Variants in CCDC138 observed in about 807,000 individuals in gnomAD.
CCDC138 encodes the protein coiled-coil domain containing 138.
In CCDC138, 66 loss-of-function variants were observed where a neutral mutation model predicts 82.3. That is an observed-to-expected ratio of 0.80 (90% CI 0.66 to 0.98). The LOEUF is 0.98. Among genes scored for constraint, CCDC138 ranks in the 50% least tolerant of loss-of-function variants. The pLI is 0.00. For missense variants in CCDC138, 816 were observed against 758.9 expected, an observed-to-expected ratio of 1.08 and a Z score of -0.88; for synonymous variants, 297 against 265.4, an observed-to-expected ratio of 1.12 and a Z score of -1.16.
rs1272013437 is a variant in CCDC138, at chr2:108,805,549, C to A, written c.855+541C>A. On this transcript the variant is annotated intron_variant, in intron 7 of 14. Coordinates refer to ENST00000295124, the MANE Select transcript of CCDC138 (RefSeq NM_144978.3). ...GACCATCCTGGCTAACACAGTGAAACCCCGTCTCTACCAAAAATACAAAAA... is the reference window on the plus strand; with the variant it reads ...GACCATCCTGGCTAACACAGTGAAAACCCGTCTCTACCAAAAATACAAAAA... Among the ~76,000 whole-genome samples, 4 of 135,458 alleles carry A rather than the reference C, an allele frequency of 3.0e-5. No homozygotes were observed. The East Asian group carries it at 9.1e-4, about 31-fold the overall frequency. 88.9% of individuals were successfully genotyped at this position (135,458 alleles called of 152,430 possible).
intron 12 of CCDC138, among the ~76,000 whole-genome samples, chr2:108,851,114 A>T (rs1574222444): frequency 6.6e-6 from 1 of 152,230 alleles, no homozygotes; most frequent in East Asian, 1.9e-4. Context: ...TCAGCGAAAC[A>T]CTTAACCAGT....
At position 108,815,792 on chromosome 2, in the gene CCDC138, T is replaced by G. The variant is rs1350603515; in HGVS notation, c.1042-149T>G. ...GTTGGGGAGGTTTGATTTGGAATTC[T>G]TTTGTTTGTTTGGAGAAGCTCTGTC... On this transcript the variant is annotated intron_variant, in intron 9 of 14. Transcript: ENST00000295124. 6.1e-6 allele frequency: 4 copies of G among 660,842 alleles called. No homozygotes were observed. The Admixed American group carries it at 1.0e-4, about 17-fold the overall frequency. The allele number at this position is 660,842 out of a possible 1,614,324, so 40.9% of individuals were successfully genotyped here.
At chr2:108,872,226 T>C (rs927022318) in intron 13 of CCDC138, among the ~76,000 whole-genome samples, 2 of 152,060 alleles carry the variant, frequency 1.3e-5, no homozygotes, top group Non-Finnish European at 2.9e-5. Context: ...CTTCCCTCCT[T>C]CTCCTCCTCC....
intron 13 of CCDC138, among the ~76,000 whole-genome samples, chr2:108,857,895 C>A (rs1692891252): frequency 6.6e-6 from 1 of 152,196 alleles, no homozygotes; most frequent in Non-Finnish European, 1.5e-5. Context: ...GAGATGGCAT[C>A]TTTCTCGTTG....
At chr2:108,824,536 A>G (rs1686242286) in intron 10 of CCDC138, among the ~76,000 whole-genome samples, 1 of 152,198 alleles carries the variant, frequency 6.6e-6, no homozygotes, top group Non-Finnish European at 1.5e-5. Flanking sequence ...CTCCTATGAT[A>G]ACAATGCCTT....
chr2:108,791,425 C>G (rs534553931), intron 3 of CCDC138: 4 of 465,664 alleles, frequency 8.6e-6, no homozygotes, highest in South Asian at 7.0e-5. Flanking sequence ...TAGAATATAC[C>G]ACAGGTAGGT....
chr2:108,846,666 G>C, intron 11 of CCDC138, 72 bp from the exon 12 acceptor site: 1 of 1,358,430 alleles, frequency 7.4e-7, no homozygotes, highest in Non-Finnish European at 1.0e-6. Context: ...AACAGAGCAA[G>C]ACTGTGTCTC....
chr2:108,794,496 A>G (rs751730218), intron 4 of CCDC138, 44 bp from the exon 5 acceptor site: 13 of 1,524,034 alleles, frequency 8.5e-6, no homozygotes, highest in Non-Finnish European at 1.1e-5. Flanking sequence ...ATTTGAAACA[A>G]TAAGTTAATA....
At chr2:108,823,188 C>T (rs1465820683) in intron 10 of CCDC138, among the ~76,000 whole-genome samples, 2 of 152,164 alleles carry the variant, frequency 1.3e-5, no homozygotes, top group African/African-American at 4.8e-5. Flanking sequence ...CAGAGAGCTT[C>T]ACTTTAGAAT....
chr2:108,826,944 A>G (rs544643825), intron 10 of CCDC138, among the ~76,000 whole-genome samples: 1 of 152,260 alleles, frequency 6.6e-6, no homozygotes, highest in East Asian at 1.9e-4. Context: ...TTCAGGGTAT[A>G]AGTTTTGTAC....
rs201918035 is a variant in CCDC138 at position 108,867,234 on chromosome 2, TAGA to T, written c.1694-6207_1694-6205del. Among the ~76,000 whole-genome samples, 719 of 152,216 alleles carry T rather than the reference TAGA, an allele frequency of 4.7e-3. 7 individuals carry two copies. The highest frequency in any genetic ancestry group is 0.023 in the South Asian group (109 of 4,814). ...TGATAAGAGGAATAACTAAGTCTTT[TAGA>T]AGAAGAAGAGGTGGACACAAGAGAG... On this transcript the variant is annotated intron_variant, in intron 13 of 14. Coordinates refer to ENST00000295124, the MANE Select transcript of CCDC138 (RefSeq NM_144978.3).
downstream of CCDC138, among the ~76,000 whole-genome samples, chr2:108,881,311 C>T (rs72836530): frequency 0.072 from 10,966 of 152,270 alleles, 494 homozygotes; most frequent in Middle Eastern, 0.1. Flanking sequence ...TCAACCTTTC[C>T]TTCTGCAGCT....
downstream of CCDC138, among the ~76,000 whole-genome samples, chr2:108,880,730 G>A (rs1696267955): frequency 6.6e-6 from 1 of 152,112 alleles, no homozygotes; most frequent in Non-Finnish European, 1.5e-5. Flanking sequence ...TAAGCCTGCT[G>A]TTGAGACCTA....
downstream of CCDC138, among the ~76,000 whole-genome samples, chr2:108,879,014 T>C (rs1323949243): frequency 7.6e-6 from 1 of 131,824 alleles, no homozygotes; most frequent in Non-Finnish European, 1.7e-5. Flanking sequence ...TTAAAAATTA[T>C]AAGTTCTTTA....
Position 108,794,692 on chromosome 2 carries a change from G to A in CCDC138, c.547G>A (p.Glu183Lys), listed in dbSNP as rs150930591. 25 of 1,612,820 alleles carry A rather than the reference G, an allele frequency of 1.6e-5. No individual in the cohort carries two copies. In the African/African-American group the frequency reaches 1.6e-4, roughly 10 times the overall value. Residue 183 changes from glutamate to lysine, a missense_variant, in exon 5 of 15, where the codon GAA becomes AAA. Physicochemically the swap from Glu to Lys is moderately conservative, Grantham distance 56. Transcript: ENST00000295124. ...ACATCAGATCAGTCAGATATATGACGAATTATTTCAGATACATCTGAAATT... is the reference window on the plus strand; with the variant it reads ...ACATCAGATCAGTCAGATATATGACAAATTATTTCAGATACATCTGAAATT... Reference protein sequence around the residue: ...LPHQISQIYDELFQIHLKLQC... With the variant: ...LPHQISQIYDKLFQIHLKLQC...
At chr2:108,833,725 A>G (rs1008857129) in intron 10 of CCDC138, among the ~76,000 whole-genome samples, 1 of 114,814 alleles carries the variant, frequency 8.7e-6, no homozygotes, top group Admixed American at 1.3e-4. Flanking sequence ...TGTGGAGTAA[A>G]CTTTTTTTTT....
At chr2:108,798,706 C>T in intron 6 of CCDC138, 120 bp downstream of exon 6, 1 of 603,418 alleles carries the variant, frequency 1.7e-6, no homozygotes. Context: ...CCTCTCCACG[C>T]CTACACACAC....
intron 3 of CCDC138, among the ~76,000 whole-genome samples, chr2:108,789,346 A>T (rs928570848): frequency 1.3e-5 from 2 of 152,168 alleles, no homozygotes; most frequent in Non-Finnish European, 1.5e-5. Context: ...TAATCCCAGC[A>T]CTTTGGGAGG....
At chr2:108,814,312 G>T (rs1413691370) in intron 9 of CCDC138, among the ~76,000 whole-genome samples, 1 of 152,056 alleles carries the variant, frequency 6.6e-6, no homozygotes, top group Non-Finnish European at 1.5e-5. Flanking sequence ...CCCTTCCAGT[G>T]GGTGTGTAGT....
Sources: gnomAD v4.1 joint callset for allele counts (sites outside exome capture counted in the v4.1 genomes callset) on GRCh38, gnomAD v4.1.1 for gene constraint, MANE v1.5 for transcripts, NCBI Gene and HGNC (gene_info 2026-07-23, HGNC 2026-07-21) for gene names.